The following HS3ST5 variants were observed in gnomAD, a reference collection of about 807,000 sequenced individuals.
HS3ST5 encodes heparan sulfate-glucosamine 3-sulfotransferase 5.
Under a neutral mutation model 25.4 loss-of-function variants are expected in HS3ST5, and 10 were observed. The observed-to-expected ratio is 0.39, with a 90% CI of 0.24 to 0.67. The LOEUF (loss-of-function observed/expected upper bound fraction) is 0.67. HS3ST5 is among the 30% of genes least tolerant of loss of function. HS3ST5 has a pLI of 0.44. For missense variants in HS3ST5, 324 were observed against 420.7 expected (o/e 0.77, Z 2.01); for synonymous variants, 170 against 162.4 (o/e 1.05, Z -0.36).
chr6:114,204,573 A>G (rs1289070801), intron 2 of HS3ST5, among the ~76,000 whole-genome samples: 1 of 152,166 alleles, frequency 6.6e-6, no homozygotes, highest in Non-Finnish European at 1.5e-5. Flanking sequence ...TCATATTTAC[A>G]TATATTTTTA....
intron 3 of HS3ST5, chr6:114,084,877 G>GCT (rs1476740115): frequency 1.8e-6 from 1 of 558,524 alleles, no homozygotes; most frequent in Non-Finnish European, 3.2e-6. Flanking sequence ...CTGCTGCCAG[G>GCT]CTGGAGTTCA....
intron 1 of HS3ST5, among the ~76,000 whole-genome samples, chr6:114,257,753 A>C (rs1159348750): frequency 1.3e-5 from 2 of 151,064 alleles, no homozygotes; most frequent in Non-Finnish European, 2.9e-5. Context: ...CTTTTTTTTT[A>C]ATAAAAAGGG....
At chr6:114,216,858 G>A (rs1023068244) in intron 2 of HS3ST5, among the ~76,000 whole-genome samples, 3 of 151,992 alleles carry the variant, frequency 2.0e-5, no homozygotes, top group Non-Finnish European at 4.4e-5. Flanking sequence ...GTAGGTTAAA[G>A]CTCTCTCAGG....
chr6:114,241,452 C>T (rs1362418328), intron 1 of HS3ST5, among the ~76,000 whole-genome samples: 1 of 152,052 alleles, frequency 6.6e-6, no homozygotes, highest in Non-Finnish European at 1.5e-5. Context: ...TGTATTTTCT[C>T]TATTACCACT....
chr6:114,163,037 C>T (rs1373904662), intron 3 of HS3ST5, among the ~76,000 whole-genome samples: 1 of 152,088 alleles, frequency 6.6e-6, no homozygotes, highest in African/African-American at 2.4e-5. Flanking sequence ...CATCAATGGA[C>T]ACTTGTTTAA....
At chr6:114,213,076 G>T (rs961934267) in intron 2 of HS3ST5, among the ~76,000 whole-genome samples, 1 of 152,140 alleles carries the variant, frequency 6.6e-6, no homozygotes, top group Non-Finnish European at 1.5e-5. Context: ...TATTGCCGAT[G>T]AAAGTGGCTC....
intron 3 of HS3ST5, among the ~76,000 whole-genome samples, chr6:114,095,458 T>C (rs183581063): frequency 1.1e-4 from 17 of 152,218 alleles, no homozygotes; most frequent in Admixed American, 1.1e-3. Context: ...CACATGAATA[T>C]GGGAGAGGGA....
chr6:114,295,282 A>C (rs1015430675), intron 1 of HS3ST5, among the ~76,000 whole-genome samples: 6 of 152,220 alleles, frequency 3.9e-5, no homozygotes, highest in African/African-American at 1.4e-4. Flanking sequence ...TTAATCAATA[A>C]ATTTTGTCTA....
chr6:114,112,139 C>A (rs145365867), intron 3 of HS3ST5, among the ~76,000 whole-genome samples: 1 of 152,170 alleles, frequency 6.6e-6, no homozygotes, highest in Non-Finnish European at 1.5e-5. Flanking sequence ...AAAGATGCCA[C>A]GAGCTAATCC....
At chr6:114,078,370 C>A (rs183834937) in intron 3 of HS3ST5, among the ~76,000 whole-genome samples, 2 of 152,166 alleles carry the variant, frequency 1.3e-5, no homozygotes, top group Non-Finnish European at 2.9e-5. Context: ...CCAAGCCCAG[C>A]TAATTTTGGT....
chr6:114,217,887 C>T (rs1781844480), intron 2 of HS3ST5, among the ~76,000 whole-genome samples: 1 of 152,140 alleles, frequency 6.6e-6, no homozygotes, highest in Non-Finnish European at 1.5e-5. Flanking sequence ...AAGTAGGACT[C>T]ACTTCCCTCA....
At chr6:114,221,004 G>T (rs1782003729) in intron 2 of HS3ST5, among the ~76,000 whole-genome samples, 1 of 151,902 alleles carries the variant, frequency 6.6e-6, no homozygotes, top group African/African-American at 2.4e-5. Flanking sequence ...AAACATACTA[G>T]GTTGGGATTT....
intron 3 of HS3ST5, among the ~76,000 whole-genome samples, chr6:114,080,646 C>G (rs995263389): frequency 2.6e-5 from 4 of 152,168 alleles, no homozygotes; most frequent in East Asian, 3.9e-4. Context: ...TTGGGTGCAG[C>G]TGGAGGCCAT....
At chr6:114,129,223 A>C (rs1229204429) in intron 3 of HS3ST5, among the ~76,000 whole-genome samples, 1 of 150,318 alleles carries the variant, frequency 6.7e-6, no homozygotes, top group Non-Finnish European at 1.5e-5. Flanking sequence ...ATGCAAAGAC[A>C]ATTGAGACAC....
intron 1 of HS3ST5, among the ~76,000 whole-genome samples, chr6:114,339,113 G>A (rs1048057004): frequency 6.6e-6 from 1 of 151,934 alleles, no homozygotes; most frequent in African/African-American, 2.4e-5. Flanking sequence ...AAAATATTGG[G>A]ATAAAGTATT....
chr6:114,178,575 AG>A, intron 2 of HS3ST5: 1 of 152,234 alleles, frequency 6.6e-6, no homozygotes, highest in East Asian at 1.9e-4. Flanking sequence ...GCAACTGGGC[AG>A]GGGCCCTCTC....
chr6:114,262,276 G>A (rs964967907), intron 1 of HS3ST5, among the ~76,000 whole-genome samples: 3 of 152,166 alleles, frequency 2.0e-5, no homozygotes, highest in South Asian at 2.1e-4. Flanking sequence ...GGCTGGGCGC[G>A]GTGGCTCACG....
At chr6:114,197,293 T>C (rs1166662840) in intron 2 of HS3ST5, among the ~76,000 whole-genome samples, 1 of 152,080 alleles carries the variant, frequency 6.6e-6, no homozygotes, top group Non-Finnish European at 1.5e-5. Context: ...GTCAGTCCCA[T>C]ACAAATTTAA....
At chr6:114,269,963 G>T (rs969244957) in intron 1 of HS3ST5, among the ~76,000 whole-genome samples, 7 of 152,268 alleles carry the variant, frequency 4.6e-5, no homozygotes, top group Non-Finnish European at 2.9e-5. Flanking sequence ...ATCAGTCAAT[G>T]GGAGGAGAAA....
Sources: gnomAD v4.1 joint callset for allele counts (sites outside exome capture counted in the v4.1 genomes callset) on GRCh38, gnomAD v4.1.1 for gene constraint, MANE v1.5 for transcripts, NCBI Gene and HGNC (gene_info 2026-07-23, HGNC 2026-07-21) for gene names.